CPNE4: variants seen among roughly 807,000 people sequenced by gnomAD.
CPNE4 encodes the protein copine-4.
CPNE4 carries 25 observed loss-of-function variants against 67.9 expected under a neutral mutation model. That is an observed-to-expected ratio of 0.37 (90% CI 0.27 to 0.51). The LOEUF (loss-of-function observed/expected upper bound fraction) is 0.51, where lower values mean the gene tolerates loss of function less well. Among genes scored for constraint, CPNE4 ranks in the 20% least tolerant of loss-of-function variants. The pLI is 0.93. For synonymous variants in CPNE4, 242 were observed against 244.9 expected (o/e 0.99, Z 0.11); for missense variants, 464 against 690.8 (o/e 0.67, Z 3.68).
chr3:131,881,596 T>A (rs1467946945), intron 2 of CPNE4, among the ~76,000 whole-genome samples: 1 of 152,148 alleles, frequency 6.6e-6, no homozygotes, highest in Non-Finnish European at 1.5e-5. Flanking sequence ...TTCTCCAGGA[T>A]GCCAGAGTTT....
intron 7 of CPNE4, among the ~76,000 whole-genome samples, chr3:131,635,220 A>T (rs1053170069): frequency 1.3e-5 from 2 of 152,196 alleles, no homozygotes; most frequent in Non-Finnish European, 2.9e-5. Context: ...GGGTCATAGA[A>T]TGACTTAACA....
At chr3:132,020,562 A>C (rs1235528648) in intron 1 of CPNE4, among the ~76,000 whole-genome samples, 1 of 152,198 alleles carries the variant, frequency 6.6e-6, no homozygotes, top group African/African-American at 2.4e-5. Flanking sequence ...TAATCATATC[A>C]TAAAGCATGA....
chr3:131,884,486 C>A (rs539294629), intron 2 of CPNE4, among the ~76,000 whole-genome samples: 45 of 152,242 alleles, frequency 3.0e-4, no homozygotes, highest in Admixed American at 1.6e-3. Flanking sequence ...ATGGTGGGCA[C>A]CAGCAGGAGA....
At chr3:131,789,763 G>C (rs557090321) in intron 2 of CPNE4, among the ~76,000 whole-genome samples, 1 of 152,176 alleles carries the variant, frequency 6.6e-6, no homozygotes, top group East Asian at 1.9e-4. Context: ...TATAACCTCT[G>C]TTTTTAAGAA....
upstream of CPNE4, among the ~76,000 whole-genome samples, chr3:132,035,832 G>A (rs890388250): frequency 2.6e-5 from 4 of 152,156 alleles, no homozygotes; most frequent in African/African-American, 9.7e-5. Context: ...AGTGAATGAC[G>A]GTCTCTTTCT....
Position 131,776,541 on chromosome 3 carries a change from C to T in CPNE4, c.181-52916G>A, listed in dbSNP as rs76187147. ...TAAGAAGAGAGTGTGATTGTGGGAA[C>T]TTTATTTCAGACAAAACTGTTCCAG... On this transcript the variant is annotated intron_variant, in intron 2 of 15. Transcript: ENST00000429747. 5.7e-3 allele frequency among the ~76,000 whole-genome samples: 868 copies of T among 152,208 alleles called. 10 individuals carry two copies. The highest frequency in any genetic ancestry group is 0.019 in the African/African-American group (799 of 41,558).
chr3:131,599,972 A>C (rs1232703699), intron 7 of CPNE4, among the ~76,000 whole-genome samples: 1 of 152,112 alleles, frequency 6.6e-6, no homozygotes, highest in African/African-American at 2.4e-5. Flanking sequence ...AGAGGAAGTG[A>C]TTTTGATGAA....
chr3:131,987,731 AT>A (rs1560742441), intron 1 of CPNE4, among the ~76,000 whole-genome samples: 2 of 152,150 alleles, frequency 1.3e-5, no homozygotes, highest in African/African-American at 4.8e-5. Flanking sequence ...ACACAACAAA[AT>A]AGTGAAACTG....
intron 1 of CPNE4, among the ~76,000 whole-genome samples, chr3:132,033,491 C>T (rs1333766271): frequency 2.0e-5 from 3 of 152,004 alleles, no homozygotes; most frequent in Admixed American, 2.0e-4. Flanking sequence ...GCTTCCCTAG[C>T]CCCCTCCCGC....
chr3:131,748,447 A>G (rs1041001871), intron 2 of CPNE4, among the ~76,000 whole-genome samples: 4 of 151,972 alleles, frequency 2.6e-5, no homozygotes, highest in Admixed American at 2.6e-4. Flanking sequence ...AGGATTATAA[A>G]AGCTTTATAA....
chr3:131,608,133 T>A (rs57521046), intron 7 of CPNE4, among the ~76,000 whole-genome samples: 20,139 of 152,182 alleles, frequency 0.13, 1,881 homozygotes, highest in African/African-American at 0.26. Flanking sequence ...TTGAGAAATA[T>A]TTTTTTCATT....
At chr3:131,827,800 G>A (rs1381512066) in intron 2 of CPNE4, among the ~76,000 whole-genome samples, 2 of 152,018 alleles carry the variant, frequency 1.3e-5, no homozygotes, top group Non-Finnish European at 1.5e-5. Flanking sequence ...ACATGGAGCA[G>A]ATCCAGATGG....
rs117276916 is a variant in CPNE4 at position 131,679,829 on chromosome 3, C to T, written c.591+6046G>A. On this transcript the variant is annotated intron_variant, in intron 6 of 15. Transcript: ENST00000429747. ...ATTTCAGTGCTTTCTCATTTGCTGACGAGTATTTTGCTTGAGATTATGTGA... is the reference window on the plus strand; with the variant it reads ...ATTTCAGTGCTTTCTCATTTGCTGATGAGTATTTTGCTTGAGATTATGTGA... Among the ~76,000 whole-genome samples, 66 of 152,054 alleles carry T rather than the reference C, an allele frequency of 4.3e-4. No individual in the cohort carries two copies. The East Asian group carries it at 0.011, about 24-fold the overall frequency.
At chr3:131,585,667 C>G (rs980498019) in intron 8 of CPNE4, among the ~76,000 whole-genome samples, 3 of 152,074 alleles carry the variant, frequency 2.0e-5, no homozygotes, top group African/African-American at 7.2e-5. Flanking sequence ...GTGGATAAGG[C>G]AAAACTTTAT....
chr3:131,799,919 T>TGTGTGTGTTG (rs144238304), intron 2 of CPNE4, among the ~76,000 whole-genome samples: 26 of 145,688 alleles, frequency 1.8e-4, no homozygotes, highest in South Asian at 9.2e-4. Context: ...TGTGTGTGTG[T>TGTGTGTGTTG]TGTGTGTGTG....
At chr3:131,831,143 A>T (rs2085353765) in intron 2 of CPNE4, among the ~76,000 whole-genome samples, 1 of 152,058 alleles carries the variant, frequency 6.6e-6, no homozygotes, top group Non-Finnish European at 1.5e-5. Flanking sequence ...AATGGAAACA[A>T]TAAGCTTTTC....
intron 3 of CPNE4, among the ~76,000 whole-genome samples, chr3:131,711,976 G>A (rs768611092): frequency 3.3e-5 from 5 of 152,150 alleles, no homozygotes; most frequent in South Asian, 2.1e-4. Flanking sequence ...GGACAAAGGG[G>A]TGGGGACTAA....
intron 7 of CPNE4, among the ~76,000 whole-genome samples, chr3:131,602,003 A>T (rs1311920157): frequency 6.6e-6 from 1 of 152,178 alleles, no homozygotes; most frequent in Admixed American, 6.5e-5. Context: ...AGGAACCACA[A>T]TAAAAAGTTT....
In CPNE4 at chr3:131,596,608, C is replaced by T. The variant is rs1479563636; in HGVS notation, c.682-9026G>A. 4.1e-5 allele frequency among the ~76,000 whole-genome samples: 3 copies of T among 73,312 alleles called. No homozygotes were observed. In the Admixed American group the frequency reaches 6.3e-4, roughly 15 times the overall value. The allele number at this position is 73,312 out of a possible 152,430, so 48.1% of individuals were successfully genotyped here. Reference sequence around the variant, plus strand: ...CTGCACTCCAGCCTGGGCGACAGAGCGAGACTCCGTCTCAAAAAAAAAAAA... The same window carrying T: ...CTGCACTCCAGCCTGGGCGACAGAGTGAGACTCCGTCTCAAAAAAAAAAAA... On this transcript the variant is annotated intron_variant, in intron 7 of 15. Transcript: ENST00000429747.
Sources: allele counts gnomAD v4.1 joint callset (sites outside exome capture counted in the v4.1 genomes callset), GRCh38; gene constraint gnomAD v4.1.1; transcripts MANE v1.5; gene names NCBI Gene and HGNC (gene_info 2026-07-23, HGNC 2026-07-21).